Variants in AGBL4 observed in about 807,000 individuals in gnomAD.
The protein encoded by AGBL4 is AGBL carboxypeptidase 4, also known as cytosolic carboxypeptidase 6.
AGBL4 carries 58 observed loss-of-function variants against 66.4 expected under a neutral mutation model. The ratio of observed to expected loss-of-function variants is 0.87; its 90% CI spans 0.71 to 1.09. The LOEUF is 1.09. AGBL4 is among the 50% of genes least tolerant of loss of function. AGBL4 has a pLI of 0.00. For missense variants in AGBL4, 579 were observed against 631.0 expected (o/e 0.92, Z 0.88); for synonymous variants, 234 against 222.9 (o/e 1.05, Z -0.44).
intron 5 of AGBL4, among the ~76,000 whole-genome samples, chr1:48,873,669 G>A (rs750435957): frequency 6.6e-6 from 1 of 152,198 alleles, no homozygotes; most frequent in Non-Finnish European, 1.5e-5. Context: ...CCACTGAATT[G>A]GTCACCAAAA....
chr1:49,985,333 C>T (rs1247854493), intron 1 of AGBL4, among the ~76,000 whole-genome samples: 4 of 152,020 alleles, frequency 2.6e-5, no homozygotes, highest in Admixed American at 6.6e-5. Context: ...GAATAAACAA[C>T]AGTGGCAAAT....
chr1:49,030,820 CAA>C (rs34872551), intron 5 of AGBL4, among the ~76,000 whole-genome samples: 5,325 of 61,922 alleles, frequency 0.086, 89 homozygotes, highest in Non-Finnish European at 0.12. Flanking sequence ...TAAGTAGAGG[CAA>C]AAAAAAAAAA....
intron 3 of AGBL4, among the ~76,000 whole-genome samples, chr1:49,350,418 T>TGGTC (rs970956254): frequency 6.6e-6 from 1 of 151,966 alleles, no homozygotes; most frequent in Admixed American, 6.6e-5. Context: ...TTAGCCGGGA[T>TGGTC]GGTCTCGATC....
At chr1:48,833,652 G>T (rs1646609765) in intron 6 of AGBL4, among the ~76,000 whole-genome samples, 1 of 152,150 alleles carries the variant, frequency 6.6e-6, no homozygotes, top group African/African-American at 2.4e-5. Flanking sequence ...TATAACTCAT[G>T]AACTTAATCA....
chr1:48,859,112 C>T (rs1335684714), intron 6 of AGBL4, among the ~76,000 whole-genome samples: 9 of 152,010 alleles, frequency 5.9e-5, no homozygotes, highest in African/African-American at 1.7e-4. Flanking sequence ...CGTGGCTCCT[C>T]ATCCCTCCCT....
chr1:48,758,605 C>T (rs1644074782), intron 6 of AGBL4, among the ~76,000 whole-genome samples: 2 of 152,196 alleles, frequency 1.3e-5, no homozygotes, highest in Non-Finnish European at 2.9e-5. Flanking sequence ...CTGTTACTGC[C>T]TCCTGCTGAA....
chr1:48,809,904 G>T (rs1364161587), intron 6 of AGBL4, among the ~76,000 whole-genome samples: 2 of 152,102 alleles, frequency 1.3e-5, no homozygotes, highest in Non-Finnish European at 2.9e-5. Flanking sequence ...TATTCTGGGT[G>T]CATGAGGAAT....
At chr1:49,511,699 A>C (rs1290387043) in intron 3 of AGBL4, among the ~76,000 whole-genome samples, 1 of 151,710 alleles carries the variant, frequency 6.6e-6, no homozygotes, top group East Asian at 1.9e-4. Flanking sequence ...TGGGAGAAGA[A>C]GACTATGAAA....
chr1:49,740,150 A>G lies in AGBL4; in HGVS notation c.158-42713T>C, dbSNP rs568155301. Among the ~76,000 whole-genome samples the G allele has an allele frequency of 4.3e-4, 65 of 152,324 alleles. No homozygotes were observed. In the Middle Eastern group the frequency reaches 0.01, roughly 24 times the overall value. ...ATCCATCAGTGTGCTGTATTCAGGA[A>G]ACCCATCTCACGTGCAGAGACACAC... On this transcript the variant is annotated intron_variant, in intron 2 of 13. Coordinates refer to ENST00000371839, the MANE Select transcript of AGBL4 (RefSeq NM_032785.4).
intron 11 of AGBL4, among the ~76,000 whole-genome samples, chr1:48,559,828 CCT>C (rs1488611525): frequency 1.3e-5 from 2 of 152,112 alleles, no homozygotes; most frequent in Non-Finnish European, 2.9e-5. Flanking sequence ...TGCCTCTTTG[CCT>C]CTTTCCCCTC....
chr1:48,614,728 C>A (rs1360225896), intron 9 of AGBL4, among the ~76,000 whole-genome samples: 1 of 151,964 alleles, frequency 6.6e-6, no homozygotes, highest in Non-Finnish European at 1.5e-5. Context: ...CTCCTCTCAG[C>A]AAAAGAGAAA....
chr1:49,065,753 C>T lies in AGBL4; in HGVS notation c.378-19953G>A, dbSNP rs138191915. Among the ~76,000 whole-genome samples, 287 of 152,208 alleles carry T rather than the reference C, an allele frequency of 1.9e-3. 2 individuals carry two copies. Among genetic ancestry groups the T allele is most frequent in the African/African-American group, 6.4e-3 (266 of 41,522 alleles). ...ACATAGTGAACTTTTGAGAAGTGTC[C>T]GCTAAAATAGAAGAAAAGAGTAAGA... is the stretch of plus-strand genomic sequence containing the variant. On this transcript the variant is annotated intron_variant, in intron 4 of 13. Coordinates refer to ENST00000371839, the MANE Select transcript of AGBL4 (RefSeq NM_032785.4).
chr1:49,346,283 G>C (rs772448503), intron 3 of AGBL4, among the ~76,000 whole-genome samples: 7 of 152,078 alleles, frequency 4.6e-5, no homozygotes, highest in Admixed American at 1.3e-4. Context: ...TGTCAATTTA[G>C]ACTGCTTATT....
intron 3 of AGBL4, among the ~76,000 whole-genome samples, chr1:49,588,336 C>T (rs1054222051): frequency 1.3e-5 from 2 of 152,088 alleles, no homozygotes; most frequent in Non-Finnish European, 2.9e-5. Flanking sequence ...TAATTTCCAC[C>T]CTGAGCTCCT....
chr1:49,116,705 G>C (rs1321781907), intron 4 of AGBL4, among the ~76,000 whole-genome samples: 2 of 152,182 alleles, frequency 1.3e-5, no homozygotes, highest in African/African-American at 2.4e-5. Context: ...CTTTATAGTA[G>C]CATGATTTAT....
intron 3 of AGBL4, among the ~76,000 whole-genome samples, chr1:49,489,480 G>T (rs1013602719): frequency 2.6e-5 from 4 of 151,626 alleles, no homozygotes; most frequent in South Asian, 4.2e-4. Flanking sequence ...CCCATTCTGT[G>T]GTTTCCCTCT....
At chr1:49,816,557 T>C (rs1175473654) in intron 2 of AGBL4, among the ~76,000 whole-genome samples, 1 of 152,164 alleles carries the variant, frequency 6.6e-6, no homozygotes, top group African/African-American at 2.4e-5. Flanking sequence ...GATTCATATC[T>C]AGAGGGCAAG....
chr1:49,875,082 T>C (rs1646951069), intron 1 of AGBL4, among the ~76,000 whole-genome samples: 1 of 149,758 alleles, frequency 6.7e-6, no homozygotes, highest in South Asian at 2.1e-4. Flanking sequence ...GGTATTTGGT[T>C]TTTTTGTTCT....
chr1:49,802,265 G>C (rs1267004831), intron 2 of AGBL4, among the ~76,000 whole-genome samples: 1 of 152,102 alleles, frequency 6.6e-6, no homozygotes, highest in Non-Finnish European at 1.5e-5. Flanking sequence ...CACATCGGGG[G>C]GGGTCGCCTG....
Sources: allele counts gnomAD v4.1 joint callset (sites outside exome capture counted in the v4.1 genomes callset), GRCh38; gene constraint gnomAD v4.1.1; transcripts MANE v1.5; gene names NCBI Gene and HGNC (gene_info 2026-07-23, HGNC 2026-07-21).